Variants in PTPRD observed in about 807,000 individuals in gnomAD.
The protein encoded by PTPRD is protein tyrosine phosphatase receptor type D.
In PTPRD, 34 loss-of-function variants were observed where a neutral mutation model predicts 214.5. That is an observed-to-expected ratio of 0.16 (90% CI 0.12 to 0.21). The LOEUF is 0.21. Ranked by LOEUF, PTPRD falls within the 10% of genes least tolerant of loss-of-function variation. The probability of loss-of-function intolerance (pLI) is 1.00; values close to 1 mark genes in which losing one functional copy is unlikely to be tolerated. For synonymous variants in PTPRD, 1,128 were observed against 845.7 expected, an observed-to-expected ratio of 1.33 and a Z score of -5.79; for missense variants, 2,545 against 2,398.7, an observed-to-expected ratio of 1.06 and a Z score of -1.27.
chr9:8,715,252 C>T (rs984128518), intron 12 of PTPRD, among the ~76,000 whole-genome samples: 1 of 152,134 alleles, frequency 6.6e-6, no homozygotes, highest in Non-Finnish European at 1.5e-5. Context: ...CTAATCGCTG[C>T]CAGGACCTCA....
chr9:9,866,775 T>G (rs1258816319), intron 5 of PTPRD, among the ~76,000 whole-genome samples: 2 of 152,132 alleles, frequency 1.3e-5, no homozygotes, highest in Non-Finnish European at 1.5e-5. Context: ...TATGTTATAT[T>G]TATAAAATAT....
intron 9 of PTPRD, among the ~76,000 whole-genome samples, chr9:9,204,086 C>G (rs2099943406): frequency 6.6e-6 from 1 of 152,140 alleles, no homozygotes; most frequent in South Asian, 2.1e-4. Flanking sequence ...GGCTGCATTA[C>G]TGCTAAAATT....
chr9:10,231,956 T>TAGAGAGAGAGAG (rs56151511), intron 3 of PTPRD, among the ~76,000 whole-genome samples: 10 of 109,016 alleles, frequency 9.2e-5, no homozygotes, highest in African/African-American at 3.7e-4. Context: ...GGGAATGAAT[T>TAGAGAGAGAGAG]AGAGAGAGAG....
intron 14 of PTPRD, among the ~76,000 whole-genome samples, chr9:8,610,695 T>C (rs2095416431): frequency 1.3e-5 from 2 of 152,340 alleles, no homozygotes; most frequent in East Asian, 3.9e-4. Context: ...TGCACCACTG[T>C]GGTTTCATTC....
intron 7 of PTPRD, among the ~76,000 whole-genome samples, chr9:9,691,755 C>G (rs147693203): frequency 9.2e-5 from 14 of 152,084 alleles, no homozygotes; most frequent in South Asian, 6.2e-4. Flanking sequence ...GTATACAAGG[C>G]TTCCCTTTTC....
chr9:8,573,597 A>G (rs1345016675), intron 14 of PTPRD, among the ~76,000 whole-genome samples: 1 of 151,932 alleles, frequency 6.6e-6, no homozygotes, highest in Non-Finnish European at 1.5e-5. Flanking sequence ...AGATGGAGCC[A>G]TCTTTCTTGA....
At chr9:10,364,202 C>T (rs1043602524) in intron 2 of PTPRD, among the ~76,000 whole-genome samples, 6 of 151,676 alleles carry the variant, frequency 4.0e-5, no homozygotes, top group Non-Finnish European at 7.4e-5. Context: ...AGGGTTTCAC[C>T]GCGTTAGCCA....
chr9:10,604,497 A>AG (rs1194074076), intron 2 of PTPRD, among the ~76,000 whole-genome samples: 1 of 151,814 alleles, frequency 6.6e-6, no homozygotes, highest in African/African-American at 2.4e-5. Context: ...TATCCTCCTG[A>AG]GGGGCAGGAA....
chr9:9,806,704 A>T (rs539541487), intron 5 of PTPRD, among the ~76,000 whole-genome samples: 1 of 152,270 alleles, frequency 6.6e-6, no homozygotes, highest in South Asian at 2.1e-4. Context: ...GCGGTCTCTT[A>T]TACAGACATG....
At chr9:9,028,415 T>A (rs1221208140) in intron 10 of PTPRD, among the ~76,000 whole-genome samples, 2 of 152,006 alleles carry the variant, frequency 1.3e-5, no homozygotes, top group African/African-American at 4.8e-5. Flanking sequence ...ATTTCTGATA[T>A]TTCATTTATC....
chr9:9,484,732 T>G (rs1343655089), intron 8 of PTPRD, among the ~76,000 whole-genome samples: 1 of 152,146 alleles, frequency 6.6e-6, no homozygotes, highest in Non-Finnish European at 1.5e-5. Flanking sequence ...CGAGGTCATA[T>G]AGGTATTACA....
At chr9:9,468,334 A>G (rs977942053) in intron 8 of PTPRD, among the ~76,000 whole-genome samples, 1 of 152,074 alleles carries the variant, frequency 6.6e-6, no homozygotes, top group Non-Finnish European at 1.5e-5. Flanking sequence ...TCTATATGAA[A>G]TACATACATT....
chr9:8,493,598 T>C (rs985807379), intron 26 of PTPRD, among the ~76,000 whole-genome samples: 15 of 152,228 alleles, frequency 9.9e-5, no homozygotes, highest in African/African-American at 3.6e-4. Context: ...TGGATTGTAT[T>C]ATCATTTTTA....
intron 11 of PTPRD, among the ~76,000 whole-genome samples, chr9:8,965,257 C>G (rs1567280700): frequency 6.6e-6 from 1 of 151,876 alleles, no homozygotes; most frequent in Non-Finnish European, 1.5e-5. Flanking sequence ...GTGGCACATG[C>G]CTATCTCAGC....
At chr9:9,322,644 T>C (rs541271390) in intron 9 of PTPRD, among the ~76,000 whole-genome samples, 1 of 152,310 alleles carries the variant, frequency 6.6e-6, no homozygotes, top group East Asian at 1.9e-4. Context: ...ATCACTGCCC[T>C]GTTTTATTAA....
intron 10 of PTPRD, among the ~76,000 whole-genome samples, chr9:9,056,882 C>T (rs1053773204): frequency 6.6e-6 from 1 of 152,068 alleles, no homozygotes; most frequent in Non-Finnish European, 1.5e-5. Context: ...AAAAAGAATC[C>T]ATCAGGATGA....
At chr9:8,959,030 C>T (rs932955773) in intron 11 of PTPRD, among the ~76,000 whole-genome samples, 1 of 151,970 alleles carries the variant, frequency 6.6e-6, no homozygotes, top group African/African-American at 2.4e-5. Context: ...CGAGGAAGCA[C>T]GTATCTGATT....
chr9:9,753,330 T>A (rs78652619), intron 6 of PTPRD, among the ~76,000 whole-genome samples: 1 of 151,908 alleles, frequency 6.6e-6, no homozygotes, highest in Non-Finnish European at 1.5e-5. Context: ...CTGGACAACA[T>A]ATCAATTTGT....
At chr9:9,087,363 C>T (rs1285127948) in intron 10 of PTPRD, among the ~76,000 whole-genome samples, 1 of 151,846 alleles carries the variant, frequency 6.6e-6, no homozygotes, top group South Asian at 2.1e-4. Context: ...TACCTATTAC[C>T]CATGTGTGAC....
Sources: gnomAD v4.1 joint callset for allele counts (sites outside exome capture counted in the v4.1 genomes callset) on GRCh38, gnomAD v4.1.1 for gene constraint, MANE v1.5 for transcripts, NCBI Gene and HGNC (gene_info 2026-07-23, HGNC 2026-07-21) for gene names.